The following ULK4 variants were observed in gnomAD, a reference collection of about 807,000 sequenced individuals.
The protein encoded by ULK4 is unc-51 like kinase 4, also known as inactive serine/threonine-protein kinase ULK4.
Under a neutral mutation model 160.6 loss-of-function variants are expected in ULK4, and 133 were observed. The observed-to-expected ratio is 0.83, with a 90% CI of 0.72 to 0.96. The LOEUF is 0.96. ULK4 is among the 40% of genes least tolerant of loss of function. ULK4 has a pLI of 0.00. For missense variants in ULK4, 1,580 were observed against 1,499.5 expected (o/e 1.05, Z -0.89); for synonymous variants, 534 against 539.8 (o/e 0.99, Z 0.15).
chr3:41,312,926 A>G (rs2080078775), intron 35 of ULK4, among the ~76,000 whole-genome samples: 1 of 152,192 alleles, frequency 6.6e-6, no homozygotes, highest in Non-Finnish European at 1.5e-5. Context: ...ATAAAGGCTG[A>G]AAAGTAATGA....
intron 17 of ULK4, among the ~76,000 whole-genome samples, chr3:41,871,316 T>C (rs1163534239): frequency 2.6e-5 from 4 of 152,214 alleles, no homozygotes; most frequent in Non-Finnish European, 5.9e-5. Flanking sequence ...GTATTCTAAG[T>C]ATGAACATAA....
At chr3:41,534,695 GATC>G (rs1377292394) in intron 32 of ULK4, among the ~76,000 whole-genome samples, 1 of 152,058 alleles carries the variant, frequency 6.6e-6, no homozygotes, top group Admixed American at 6.5e-5. Flanking sequence ...AGATGCCACT[GATC>G]ATAAGGACCA....
chr3:41,696,906 T>C (rs919131077), intron 27 of ULK4, among the ~76,000 whole-genome samples: 1 of 152,070 alleles, frequency 6.6e-6, no homozygotes, highest in Non-Finnish European at 1.5e-5. Context: ...GCTTTGAAGA[T>C]GGAATAAGGG....
chr3:41,736,251 A>C (rs111335312), intron 22 of ULK4, among the ~76,000 whole-genome samples: 19,708 of 150,646 alleles, frequency 0.13, 1,511 homozygotes, highest in Admixed American at 0.21. Flanking sequence ...GTTCTAGATC[A>C]CTGAGGAATC....
At chr3:41,293,999 C>T (rs527861195) in intron 35 of ULK4, among the ~76,000 whole-genome samples, 130 of 152,300 alleles carry the variant, frequency 8.5e-4, no homozygotes, top group African/African-American at 3.1e-3. Flanking sequence ...GAATTCAGGG[C>T]CCAGCCCGGA....
intron 34 of ULK4, among the ~76,000 whole-genome samples, chr3:41,417,723 G>A (rs2082559523): frequency 6.6e-6 from 1 of 152,136 alleles, no homozygotes; most frequent in African/African-American, 2.4e-5. Context: ...TACCAGAACT[G>A]ACACACATCA....
intron 32 of ULK4, among the ~76,000 whole-genome samples, chr3:41,482,758 G>C (rs1032548899): frequency 6.6e-6 from 1 of 152,096 alleles, no homozygotes; most frequent in Non-Finnish European, 1.5e-5. Flanking sequence ...AGCAGTCCCA[G>C]GTTACCTTCC....
chr3:41,318,154 A>G (rs1350059475), intron 35 of ULK4, among the ~76,000 whole-genome samples: 1 of 152,134 alleles, frequency 6.6e-6, no homozygotes, highest in East Asian at 1.9e-4. Flanking sequence ...AAAATAAGAT[A>G]GAAAAAATGA....
chr3:41,851,002 T>C (rs1369025694), intron 17 of ULK4, among the ~76,000 whole-genome samples: 2 of 152,202 alleles, frequency 1.3e-5, no homozygotes, highest in Non-Finnish European at 2.9e-5. Context: ...TTTCTAGATA[T>C]ACAATCATCT....
intron 27 of ULK4, among the ~76,000 whole-genome samples, chr3:41,703,834 GCACACACACACACACA>G (rs35693704): frequency 0.022 from 2,850 of 129,292 alleles, 49 homozygotes; most frequent in Middle Eastern, 0.047. Flanking sequence ...TAATGCGCAT[GCACACACACACACACA>G]CACACACACA....
chr3:41,672,230 G>C (rs987791146), intron 29 of ULK4, among the ~76,000 whole-genome samples: 2 of 152,078 alleles, frequency 1.3e-5, no homozygotes, highest in African/African-American at 4.8e-5. Context: ...TTATCCAAAG[G>C]AAAAGAAATC....
chr3:41,351,350 A>T (rs1446118895), intron 35 of ULK4, among the ~76,000 whole-genome samples: 1 of 152,228 alleles, frequency 6.6e-6, no homozygotes, highest in Non-Finnish European at 1.5e-5. Context: ...ATTCACAAAA[A>T]GTTAAACCAG....
intron 31 of ULK4, among the ~76,000 whole-genome samples, chr3:41,590,587 G>C (rs2031220923): frequency 6.6e-6 from 1 of 150,686 alleles, no homozygotes. Context: ...AGTGAGCCAA[G>C]ATCACGCCAC....
chr3:41,467,046 C>G (rs893548480), intron 32 of ULK4, among the ~76,000 whole-genome samples: 1 of 152,032 alleles, frequency 6.6e-6, no homozygotes, highest in Non-Finnish European at 1.5e-5. Flanking sequence ...AAAACTAACA[C>G]AAAATGTTAG....
chr3:41,825,684 T>C (rs943166310), intron 18 of ULK4, among the ~76,000 whole-genome samples: 2 of 152,162 alleles, frequency 1.3e-5, no homozygotes, highest in African/African-American at 2.4e-5. Flanking sequence ...TACGTCTGAT[T>C]GGTGTACCTG....
intron 35 of ULK4, among the ~76,000 whole-genome samples, chr3:41,384,091 G>A (rs1405437015): frequency 6.6e-6 from 1 of 152,144 alleles, no homozygotes; most frequent in Non-Finnish European, 1.5e-5. Flanking sequence ...CCTGCATAGT[G>A]GAGACATGTG....
At chr3:41,406,520 T>C (rs2082296870) in intron 34 of ULK4, among the ~76,000 whole-genome samples, 1 of 152,216 alleles carries the variant, frequency 6.6e-6, no homozygotes, top group African/African-American at 2.4e-5. Flanking sequence ...GGTAGCTTGA[T>C]AGGAATAGCG....
Position 41,855,185 on chromosome 3 carries a change from T to C in ULK4, c.1657-19214A>G, listed in dbSNP as rs149198966. The stretch of plus-strand genomic sequence containing the variant: ...ACAGTAACAATGCTCTGCGTCTTCT[T>C]ACCAATATAGGGTACCTTGACCACG... On this transcript the variant is annotated intron_variant, in intron 17 of 36. Coordinates refer to ENST00000301831, the MANE Select transcript of ULK4 (RefSeq NM_017886.4). Among the ~76,000 whole-genome samples, 474 of 143,372 alleles carry C rather than the reference T, an allele frequency of 3.3e-3. 1 individual carries two copies. The highest frequency in any genetic ancestry group is 0.013 in the African/African-American group (450 of 33,470). The allele number at this position is 143,372 out of a possible 152,430, so 94.1% of individuals were successfully genotyped here. A position where few individuals can be genotyped will look rare whatever the true frequency, so the allele number is the denominator to read the frequency against.
Position 41,825,427 on chromosome 3 carries a change from A to G in ULK4, c.1765-5921T>C, listed in dbSNP as rs372715426. 2.6e-5 allele frequency among the ~76,000 whole-genome samples: 4 copies of G among 152,202 alleles called. No homozygotes were observed. In the East Asian group the frequency reaches 7.7e-4, roughly 29 times the overall value. ...TAAAAACCTTGAAAAAAAATTAGAC[A>G]AATGGCTAACCAGAATAACCAATGC... On this transcript the variant is annotated intron_variant, in intron 18 of 36. Transcript: ENST00000301831.
Sources: allele counts gnomAD v4.1 joint callset (sites outside exome capture counted in the v4.1 genomes callset), GRCh38; gene constraint gnomAD v4.1.1; transcripts MANE v1.5; gene names NCBI Gene and HGNC (gene_info 2026-07-23, HGNC 2026-07-21).